Variants in ABCB1 observed in about 807,000 individuals in gnomAD.
The protein encoded by ABCB1 is ATP-dependent translocase ABCB1.
Under a neutral mutation model 142.0 loss-of-function variants are expected in ABCB1, and 69 were observed. The observed-to-expected ratio is 0.49, with a 90% CI of 0.40 to 0.59. The LOEUF (loss-of-function observed/expected upper bound fraction) is 0.59. ABCB1 is among the 20% of genes least tolerant of loss of function. The pLI is 0.00. For missense variants in ABCB1, 1,326 were observed against 1,554.7 expected, an observed-to-expected ratio of 0.85 and a Z score of 2.47; for synonymous variants, 532 against 539.2, an observed-to-expected ratio of 0.99 and a Z score of 0.18.
At position 87,549,881 on chromosome 7, in the gene ABCB1, A is replaced by T. The variant is rs982124468; in HGVS notation, c.1524T>A (p.Asn508Lys). The stretch of plus-strand genomic sequence containing the variant: ...GCAGTTTCATGATAAAGTCATAGGC[A>T]TTGGCTTCCTTGACAGCTTTCTCAA... ...DEIEKAVKEANAYDFIMKLPH... is the reference protein window; with the variant it reads ...DEIEKAVKEAKAYDFIMKLPH... Residue 508 changes from asparagine to lysine, a missense_variant, in exon 13 of 28, where the codon AAT becomes AAA. Transcript: ENST00000622132. 1 of 1,614,084 alleles carries T rather than the reference A, an allele frequency of 6.2e-7. No homozygotes were observed. The highest frequency in any genetic ancestry group is 1.3e-5 in the African/African-American group (1 of 74,938).
At chr7:87,605,061 A>G (rs995837284), upstream of ABCB1, among the ~76,000 whole-genome samples, 8 of 152,230 alleles carry the variant, frequency 5.3e-5, no homozygotes, top group Non-Finnish European at 8.8e-5. Flanking sequence ...TATGGAAATT[A>G]CACTAGTAGG....
intron 1 of ABCB1, among the ~76,000 whole-genome samples, chr7:87,633,867 G>T (rs1303155888): frequency 1.3e-5 from 2 of 152,054 alleles, no homozygotes; most frequent in East Asian, 3.9e-4. Flanking sequence ...GTTTTGTGTT[G>T]CTATAAAGGA....
chr7:87,591,304 C>T (rs537119212), intron 3 of ABCB1, among the ~76,000 whole-genome samples: 2 of 152,106 alleles, frequency 1.3e-5, no homozygotes, highest in Non-Finnish European at 2.9e-5. Flanking sequence ...AACTTCGATT[C>T]CAGAACAGTA....
At chr7:87,639,486 T>C (rs1822210996) in intron 1 of ABCB1, among the ~76,000 whole-genome samples, 1 of 152,216 alleles carries the variant, frequency 6.6e-6, no homozygotes, top group African/African-American at 2.4e-5. Context: ...GAGAGAGATG[T>C]GTTAAAGTCT....
At position 87,515,358 on chromosome 7, in the gene ABCB1, A is replaced by G. The variant is rs1370593595; in HGVS notation, c.3155T>C (p.Val1052Ala). Residue 1052 changes from valine to alanine, a missense_variant, in exon 25 of 28, where the codon GTG (valine) becomes GCG (alanine). Transcript: ENST00000622132. ...FNYPTRPDIPVLQGLSLEVKK... is the reference protein window; with the variant it reads ...FNYPTRPDIPALQGLSLEVKK... ...CACCTCCAGGCTCAGTCCCTGAAGC[A>G]CTGGGATGTCCGGTCGGGTGGGATA... The G allele has an allele frequency of 3.7e-6, 6 of 1,614,066 alleles. No individual in the cohort carries two copies.
intron 1 of ABCB1, among the ~76,000 whole-genome samples, chr7:87,669,177 A>G (rs1178929208): frequency 6.6e-6 from 1 of 152,118 alleles, no homozygotes; most frequent in African/African-American, 2.4e-5. Context: ...GGGTACATAT[A>G]TATTTAGGGT....
At chr7:87,579,381 T>C (rs1437919933) in intron 4 of ABCB1, among the ~76,000 whole-genome samples, 1 of 152,204 alleles carries the variant, frequency 6.6e-6, no homozygotes, top group Non-Finnish European at 1.5e-5. Flanking sequence ...TTTTATTTTG[T>C]TTATGAATGT....
Position 87,516,465 on chromosome 7 carries a change from T to G in ABCB1, c.3084+44A>C, listed in dbSNP as rs1031013597. The G allele has an allele frequency of 2.5e-6, 4 of 1,612,048 alleles. No individual in the cohort carries two copies. In the African/African-American group the frequency reaches 5.3e-5, roughly 22 times the overall value. ...AAGTTTCCACTTAAAATACTTTCATTCAGGAGTCAGGAGTAGATCAAACAG... is the reference window on the plus strand; with the variant it reads ...AAGTTTCCACTTAAAATACTTTCATGCAGGAGTCAGGAGTAGATCAAACAG... On this transcript the variant is annotated intron_variant, in intron 24 of 27. Transcript: ENST00000622132.
At chr7:87,524,557 C>T (rs971997858) in intron 21 of ABCB1, among the ~76,000 whole-genome samples, 3 of 68,336 alleles carry the variant, frequency 4.4e-5, no homozygotes, top group African/African-American at 8.0e-5. Context: ...ACACAGGAAG[C>T]GGAACATCAC....
chr7:87,628,576 C>T (rs964552478), intron 1 of ABCB1: 2 of 294,484 alleles, frequency 6.8e-6, no homozygotes, highest in Non-Finnish European at 1.2e-5. Context: ...GGAGGTGGTG[C>T]GTGCGTGCGT....
chr7:87,628,232 G>A (rs922052776), intron 1 of ABCB1, among the ~76,000 whole-genome samples: 9 of 152,334 alleles, frequency 5.9e-5, no homozygotes, highest in South Asian at 2.1e-4. Flanking sequence ...CGAGCCCAGC[G>A]TCCTTGACAG....
Position 87,509,238 on chromosome 7 carries a change from A to ACATG in ABCB1, c.3489+33_3489+36dup, listed in dbSNP as rs756088198. ...CAAACTATAGGCCAGAGAGGCTGCC[A>ACATG]CATGCTCCCAGGCTGTTTATTTGAA... On this transcript the variant is annotated intron_variant, in intron 26 of 27. Coordinates refer to ENST00000622132, the MANE Select transcript of ABCB1 (RefSeq NM_001348946.2). The ACATG allele has an allele frequency of 2.6e-5, 42 of 1,604,278 alleles. No individual in the cohort carries two copies. The East Asian group carries it at 9.1e-4, about 35-fold the overall frequency.
At chr7:87,534,932 A>AAC in intron 20 of ABCB1, among the ~76,000 whole-genome samples, 1 of 141,796 alleles carries the variant, frequency 7.1e-6, no homozygotes, top group South Asian at 2.2e-4. Flanking sequence ...AAAAAAAAAA[A>AAC]AAAAAAAACT....
At chr7:87,509,241 T>G (rs1189868369) in intron 26 of ABCB1, 34 bp downstream of exon 26, 3 of 1,607,432 alleles carry the variant, frequency 1.9e-6, no homozygotes, top group Non-Finnish European at 2.6e-6. Flanking sequence ...GGCTGCCACA[T>G]GCTCCCAGGC....
chr7:87,572,177 ATT>A (rs1491379892), intron 4 of ABCB1, among the ~76,000 whole-genome samples: 34,051 of 152,134 alleles, frequency 0.22, 4,327 homozygotes, highest in African/African-American at 0.35. Flanking sequence ...TATCTTCTGT[ATT>A]TACCAGGAAA....
chr7:87,672,315 T>C (rs747876654), intron 1 of ABCB1, among the ~76,000 whole-genome samples: 7 of 152,178 alleles, frequency 4.6e-5, no homozygotes, highest in Admixed American at 1.3e-4. Context: ...CCACCTCTGG[T>C]CAGCTTGGAC....
chr7:87,564,138 C>T (rs1268014585), intron 7 of ABCB1: 4 of 452,702 alleles, frequency 8.8e-6, no homozygotes, highest in Admixed American at 2.4e-5. Context: ...ATGGAACAGA[C>T]CTGCACTTAC....
rs201669414 is a variant in ABCB1 at position 87,566,109 on chromosome 7, G to C, written c.663C>G (p.Ile221Met). 6.8e-6 allele frequency: 11 copies of C among 1,614,184 alleles called. No individual in the cohort carries two copies. The highest frequency in any genetic ancestry group is 9.3e-6 in the Non-Finnish European group (11 of 1,180,022). The change falls in exon 7 of 28, where the codon ATC (isoleucine) becomes ATG (methionine). Residue 221 changes from isoleucine to methionine, a missense_variant. Transcript: ENST00000622132. ...CAGCTGACAGTCCAAGAACAGGACT[G>C]ATGGCCAAAATCACAAGGGTTAGCT... ...GWKLTLVILA[I>M]SPVLGLSAAV...
At chr7:87,607,606 C>G (rs999710052) in intron 1 of ABCB1, among the ~76,000 whole-genome samples, 14 of 151,826 alleles carry the variant, frequency 9.2e-5, no homozygotes, top group African/African-American at 3.1e-4. Flanking sequence ...GGTTGAAGCA[C>G]AGTGGCGCAA....
Sources: gnomAD v4.1 joint callset for allele counts (sites outside exome capture counted in the v4.1 genomes callset) on GRCh38, gnomAD v4.1.1 for gene constraint, MANE v1.5 for transcripts, NCBI Gene and HGNC (gene_info 2026-07-23, HGNC 2026-07-21) for gene names.